Variants in KCNIP3 observed in about 807,000 individuals in gnomAD.
The protein encoded by KCNIP3 is potassium voltage-gated channel interacting protein 3.
KCNIP3 carries 28 observed loss-of-function variants against 35.0 expected under a neutral mutation model. The ratio of observed to expected loss-of-function variants is 0.80; its 90% CI spans 0.59 to 1.10. KCNIP3 has a LOEUF of 1.10. Among genes scored for constraint, KCNIP3 ranks in the 50% least tolerant of loss-of-function variants. KCNIP3 has a pLI of 0.00. For missense variants in KCNIP3, 295 were observed against 338.4 expected (o/e 0.87, Z 1.01); for synonymous variants, 134 against 133.8 (o/e 1.00, Z -0.01).
rs1286077749 is a variant in KCNIP3, at chr2:95,384,307, G to A, written c.*258G>A. 27 of 535,546 alleles carry A rather than the reference G, an allele frequency of 5.0e-5. No homozygotes were observed. In the East Asian group the frequency reaches 8.3e-4, roughly 16 times the overall value. The allele number at this position is 535,546 out of a possible 1,614,324, so 33.2% of individuals were successfully genotyped here. A position where few individuals can be genotyped will look rare whatever the true frequency, so the allele number is the denominator to read the frequency against. On this transcript the variant is annotated 3_prime_UTR_variant, in exon 9 of 9. Coordinates refer to ENST00000295225, the MANE Select transcript of KCNIP3 (RefSeq NM_013434.5). ...CCCAGCCAGCCCTTCCCAGGCCAGC[G>A]AGGCGAGGCTGCCTCTGGGTGAGTG...
In KCNIP3 at chr2:95,374,932, G is replaced by T; in HGVS notation, c.376+15G>T. ...CCCTCAGGGAGGTGAGTCTGAGGCA[G>T]GGCAGCCCTGCTGTGTCCCAGTGTG... On this transcript the variant is annotated intron_variant, in intron 4 of 8. Transcript: ENST00000295225. 1 of 1,613,336 alleles carries T rather than the reference G, an allele frequency of 6.2e-7. No individual in the cohort carries two copies. Among genetic ancestry groups the T allele is most frequent in the Admixed American group, 1.7e-5 (1 of 60,024 alleles).
chr2:95,334,219 CATA>C (rs1448923644), intron 2 of KCNIP3, among the ~76,000 whole-genome samples: 6 of 152,230 alleles, frequency 3.9e-5, no homozygotes, highest in Non-Finnish European at 8.8e-5. Flanking sequence ...GTGCTTCCTG[CATA>C]CACTCTGTGC....
At chr2:95,329,560 A>T (rs946319874) in intron 2 of KCNIP3, among the ~76,000 whole-genome samples, 2 of 152,200 alleles carry the variant, frequency 1.3e-5, no homozygotes, top group Non-Finnish European at 2.9e-5. Context: ...ATCTGACTCC[A>T]GACCCCGTGC....
In KCNIP3 at chr2:95,378,580, C is replaced by G. The variant is rs547609018; in HGVS notation, c.448-3016C>G. ...CGAAACCCCGTCTCTACTAAAAATA[C>G]AAAAAAAAAAAAAAAATTAGCTGGG... On this transcript the variant is annotated intron_variant, in intron 5 of 8. Coordinates refer to ENST00000295225, the MANE Select transcript of KCNIP3 (RefSeq NM_013434.5). This position sits in a 1 kb window ranked among gnomAD's most constrained non-coding sequence, Gnocchi z 4.0. 9.1e-6 allele frequency among the ~76,000 whole-genome samples: 1 copy of G among 110,270 alleles called. No homozygotes were observed. The highest frequency in any genetic ancestry group is 1.9e-5 in the Non-Finnish European group (1 of 51,686). The allele number at this position is 110,270 out of a possible 152,430, so 72.3% of individuals were successfully genotyped here.
intron 2 of KCNIP3, chr2:95,368,827 G>T: frequency 4.7e-6 from 1 of 213,070 alleles, no homozygotes. Flanking sequence ...CCTTCATGTC[G>T]TCATCAGAGT....
intron 1 of KCNIP3, among the ~76,000 whole-genome samples, chr2:95,304,630 C>T (rs759617462): frequency 4.6e-5 from 7 of 152,312 alleles, no homozygotes; most frequent in African/African-American, 7.2e-5. Flanking sequence ...TGCATGAGAA[C>T]GGGTGAGCTA....
At chr2:95,321,590 C>T (rs186098022) in intron 2 of KCNIP3, among the ~76,000 whole-genome samples, 60 of 152,316 alleles carry the variant, frequency 3.9e-4, no homozygotes, top group African/African-American at 1.4e-3. Flanking sequence ...ACATTGAGTG[C>T]GTGTCAAGGT....
chr2:95,381,728 T>C, intron 6 of KCNIP3, 25 bp downstream of exon 6: 1 of 1,483,958 alleles, frequency 6.7e-7, no homozygotes, highest in Non-Finnish European at 9.4e-7. Context: ...GGGGCAGGGA[T>C]TGTCCCCTCC....
intron 2 of KCNIP3, among the ~76,000 whole-genome samples, chr2:95,314,449 G>A (rs1279121682): frequency 1.3e-5 from 2 of 152,194 alleles, no homozygotes; most frequent in Admixed American, 1.3e-4. Context: ...CTGAGTCCTT[G>A]GTGGAGTGAT....
chr2:95,332,439 C>T (rs898560520), intron 2 of KCNIP3, among the ~76,000 whole-genome samples: 2 of 152,246 alleles, frequency 1.3e-5, no homozygotes, highest in Non-Finnish European at 1.5e-5. Flanking sequence ...CATGGCGGAA[C>T]GCCATCTCTT....
At chr2:95,343,019 C>T (rs1026241889) in intron 2 of KCNIP3, among the ~76,000 whole-genome samples, 12 of 151,996 alleles carry the variant, frequency 7.9e-5, no homozygotes, top group South Asian at 4.2e-4. Context: ...GTTGCTGAAC[C>T]GAGAAGAGGT....
chr2:95,310,428 T>A lies in KCNIP3; in HGVS notation c.89T>A (p.Ile30Asn). Residue 30 changes from isoleucine to asparagine, a missense_variant, in exon 2 of 9, where the codon ATC (isoleucine) becomes AAC (asparagine). Coordinates refer to ENST00000295225, the MANE Select transcript of KCNIP3 (RefSeq NM_013434.5). ...ACACCACTTAGCAAGAAGGAGGGTA[T>A]CAAGTGGCAGAGGCCGAGGCTCAGC... ...GHTPLSKKEGIKWQRPRLSRQ... is the reference protein window; with the variant it reads ...GHTPLSKKEGNKWQRPRLSRQ... 6.2e-7 allele frequency: 1 copy of A among 1,613,800 alleles called. No homozygotes were observed.
At chr2:95,320,603 C>A (rs1187008785) in intron 2 of KCNIP3, among the ~76,000 whole-genome samples, 1 of 152,062 alleles carries the variant, frequency 6.6e-6, no homozygotes, top group Non-Finnish European at 1.5e-5. Context: ...CTGGGAGCAT[C>A]CCCTCCGGCT....
At chr2:95,310,560 G>T in intron 2 of KCNIP3, 40 bp downstream of exon 2, 2 of 1,599,872 alleles carry the variant, frequency 1.3e-6, no homozygotes, top group Non-Finnish European at 1.7e-6. Flanking sequence ...GTGGGGGTGG[G>T]GAGATCTGTT....
chr2:95,321,065 C>T (rs965343592), intron 2 of KCNIP3, among the ~76,000 whole-genome samples: 1 of 139,420 alleles, frequency 7.2e-6, no homozygotes. Flanking sequence ...ACACCCCAAG[C>T]CTCTCCTCCC....
intron 2 of KCNIP3, among the ~76,000 whole-genome samples, chr2:95,370,022 C>CAATA (rs1256335319): frequency 6.6e-6 from 1 of 152,144 alleles, no homozygotes; most frequent in Admixed American, 6.5e-5. Context: ...AGATTCTCAT[C>CAATA]TATTATGCTT....
At chr2:95,306,037 G>A (rs1440451393) in intron 1 of KCNIP3, among the ~76,000 whole-genome samples, 2 of 152,220 alleles carry the variant, frequency 1.3e-5, no homozygotes, top group Admixed American at 6.5e-5. Context: ...CTCTGTGGTA[G>A]CGCATGCCTA....
At chr2:95,328,601 CTG>C (rs1364535333) in intron 2 of KCNIP3, among the ~76,000 whole-genome samples, 1 of 152,216 alleles carries the variant, frequency 6.6e-6, no homozygotes, top group African/African-American at 2.4e-5. Context: ...GTGCACACTC[CTG>C]TGTGTGTGAG....
chr2:95,359,719 C>A (rs1211542450), intron 2 of KCNIP3, among the ~76,000 whole-genome samples: 1 of 152,258 alleles, frequency 6.6e-6, no homozygotes, highest in Non-Finnish European at 1.5e-5. Context: ...AGCCACGCCT[C>A]CACTGCTCTT....
Sources: allele counts gnomAD v4.1 joint callset (sites outside exome capture counted in the v4.1 genomes callset), GRCh38; gene constraint gnomAD v4.1.1; non-coding constraint Gnocchi (gnomAD v3.1); transcripts MANE v1.5; gene names NCBI Gene and HGNC (gene_info 2026-07-23, HGNC 2026-07-21).